The following NR3C1 variants were observed in gnomAD, a reference collection of about 807,000 sequenced individuals.
NR3C1 encodes glucocorticoid receptor.
In NR3C1, 14 loss-of-function variants were observed where a neutral mutation model predicts 74.0. The ratio of observed to expected loss-of-function variants is 0.19; its 90% CI spans 0.12 to 0.30. The LOEUF (loss-of-function observed/expected upper bound fraction) is 0.30. Ranked by LOEUF, NR3C1 falls within the 10% of genes least tolerant of loss-of-function variation. NR3C1 has a pLI of 1.00. For missense variants in NR3C1, 695 were observed against 909.8 expected, an observed-to-expected ratio of 0.76 and a Z score of 3.04; for synonymous variants, 308 against 332.5, an observed-to-expected ratio of 0.93 and a Z score of 0.80.
chr5:143,349,208 A>C (rs1829821785), intron 2 of NR3C1, among the ~76,000 whole-genome samples: 1 of 152,190 alleles, frequency 6.6e-6, no homozygotes, highest in African/African-American at 2.4e-5. Flanking sequence ...GGTTTCCCCA[A>C]GGATATCATT....
chr5:143,356,715 T>C (rs1227719935), intron 2 of NR3C1, among the ~76,000 whole-genome samples: 8 of 151,988 alleles, frequency 5.3e-5, no homozygotes, highest in Non-Finnish European at 8.8e-5. Context: ...GCAAATGTTG[T>C]CACATTATTA....
intron 2 of NR3C1, among the ~76,000 whole-genome samples, chr5:143,344,005 A>C (rs1351215134): frequency 2.6e-5 from 4 of 152,152 alleles, no homozygotes; most frequent in African/African-American, 9.6e-5. Flanking sequence ...TAAATCAGTC[A>C]CTGTCAGCTA....
intron 1 of NR3C1, among the ~76,000 whole-genome samples, chr5:143,411,667 A>AT (rs1841298100): frequency 6.6e-6 from 1 of 152,214 alleles, no homozygotes; most frequent in South Asian, 2.1e-4. Flanking sequence ...AGAATTTACT[A>AT]TTAAGAGTGT....
chr5:143,323,807 A>G (rs888910584), intron 2 of NR3C1, among the ~76,000 whole-genome samples: 5 of 152,064 alleles, frequency 3.3e-5, no homozygotes, highest in Admixed American at 1.3e-4. Flanking sequence ...GGGGTGTCAC[A>G]GGTTAAATAC....
At chr5:143,370,814 T>C (rs1265527083) in intron 2 of NR3C1, among the ~76,000 whole-genome samples, 1 of 152,190 alleles carries the variant, frequency 6.6e-6, no homozygotes, top group East Asian at 1.9e-4. Context: ...AAAAGAAAGT[T>C]TAAAGGAAGA....
At chr5:143,415,507 C>G (rs1196927005) in intron 1 of NR3C1, among the ~76,000 whole-genome samples, 1 of 152,144 alleles carries the variant, frequency 6.6e-6, no homozygotes, top group East Asian at 1.9e-4. Context: ...TACATGGATG[C>G]ATGCATGCAT....
In NR3C1 at chr5:143,310,206, G is replaced by C; in HGVS notation, c.1359C>G (p.His453Gln). The change falls in exon 4 of 9, where the codon CAC becomes CAG. Residue 453 changes from histidine to glutamine, a missense_variant. Physicochemically the swap from His to Gln is conservative, Grantham distance 24. This residue lies in a region of NR3C1 where 23 missense variants were observed against 83.1 expected (regional missense o/e 0.28). Coordinates refer to ENST00000394464, the MANE Select transcript of NR3C1 (RefSeq NM_000176.3). ...CATTCCTTCCAGCACATAGGTAATTGTGCTGTCCTATATGGAATAAAAGGC... is the reference window on the plus strand; with the variant it reads ...CATTCCTTCCAGCACATAGGTAATTCTGCTGTCCTATATGGAATAAAAGGC... ...VFFKRAVEGQ[H>Q]NYLCAGRNDC... 9 of 1,610,908 alleles carry C rather than the reference G, an allele frequency of 5.6e-6. No homozygotes were observed. Among genetic ancestry groups the C allele is most frequent in the Non-Finnish European group, 6.8e-6 (8 of 1,177,728 alleles).
At chr5:143,287,183 TAATC>T (rs1230843610) in intron 7 of NR3C1, among the ~76,000 whole-genome samples, 3 of 151,804 alleles carry the variant, frequency 2.0e-5, no homozygotes, top group South Asian at 2.1e-4. Flanking sequence ...GAAGAAATAA[TAATC>T]AATGACATAG....
chr5:143,282,770 T>C (rs1382630730), intron 7 of NR3C1, 45 bp from the exon 8 acceptor site: 2 of 1,583,826 alleles, frequency 1.3e-6, no homozygotes, highest in East Asian at 4.5e-5. Context: ...TCTTTTTCTT[T>C]TCTTTTCTTT....
At chr5:143,434,821 G>A (rs1752036243) in exon 1 of NR3C1, 2 of 985,436 alleles carry the variant, frequency 2.0e-6, no homozygotes, top group South Asian at 4.7e-5. Context: ...ACTTAGATAT[G>A]ACGCAGATTC....
intron 2 of NR3C1, among the ~76,000 whole-genome samples, chr5:143,341,428 A>G (rs1312370896): frequency 6.6e-6 from 1 of 152,250 alleles, no homozygotes; most frequent in Non-Finnish European, 1.5e-5. Context: ...GCTGAAAACA[A>G]AAGTCAGTCA....
chr5:143,359,582 T>C (rs796661357), intron 2 of NR3C1, among the ~76,000 whole-genome samples: 27 of 152,314 alleles, frequency 1.8e-4, no homozygotes, highest in African/African-American at 5.8e-4. Flanking sequence ...CTAATAAATG[T>C]ACTAAAATAC....
At chr5:143,314,421 C>CTT (rs200172704) in intron 2 of NR3C1, among the ~76,000 whole-genome samples, 33 of 118,796 alleles carry the variant, frequency 2.8e-4, no homozygotes, top group Middle Eastern at 4.5e-3. Context: ...ACTTCTTCTT[C>CTT]TTTTTTTTTT....
rs962559923 is a variant in NR3C1 at position 143,403,288 on chromosome 5, G to A, written c.-91C>T. The A allele has an allele frequency of 5.1e-6, 5 of 985,374 alleles. No homozygotes were observed. Among genetic ancestry groups the A allele is most frequent in the African/African-American group, 1.7e-5 (1 of 57,208 alleles). 61.0% of individuals were successfully genotyped at this position (985,374 alleles called of 1,614,324 possible). A position where few individuals can be genotyped will look rare whatever the true frequency, so the allele number is the denominator to read the frequency against. Reference sequence around the variant, plus strand: ...GAGATAAACAACTTAGCTTGTGAACGCAGAAGGAGCAGGAGGGAAATATAT... The same window carrying A: ...GAGATAAACAACTTAGCTTGTGAACACAGAAGGAGCAGGAGGGAAATATAT... On this transcript the variant is annotated 5_prime_UTR_variant, in exon 1 of 9. Transcript: ENST00000394464.
intron 2 of NR3C1, among the ~76,000 whole-genome samples, chr5:143,396,079 TTA>T (rs1476683572): frequency 6.6e-6 from 1 of 151,834 alleles, no homozygotes; most frequent in Non-Finnish European, 1.5e-5. Context: ...AACATATGAA[TTA>T]TGTTACCAAT....
intron 6 of NR3C1, among the ~76,000 whole-genome samples, chr5:143,296,103 G>C (rs1817114537): frequency 6.6e-6 from 1 of 152,114 alleles, no homozygotes; most frequent in Non-Finnish European, 1.5e-5. Flanking sequence ...GCCTCTGACA[G>C]GCATATGCCT....
chr5:143,380,963 G>C (rs1037635066), intron 2 of NR3C1, among the ~76,000 whole-genome samples: 1 of 152,084 alleles, frequency 6.6e-6, no homozygotes, highest in Non-Finnish European at 1.5e-5. Flanking sequence ...TCAGACAAGA[G>C]AAAGATATAA....
chr5:143,346,128 C>G (rs555075027), intron 2 of NR3C1, among the ~76,000 whole-genome samples: 24 of 152,340 alleles, frequency 1.6e-4, no homozygotes, highest in Admixed American at 4.6e-4. Context: ...ACTCCTAAAT[C>G]TAGGTTATCA....
rs1389147266 is a variant in NR3C1, at chr5:143,314,021, G to A, written c.1332C>T (p.Phe444=). The A allele has an allele frequency of 6.2e-7, 1 of 1,613,558 alleles. No individual in the cohort carries two copies. The highest frequency in any genetic ancestry group is 1.3e-5 in the African/African-American group (1 of 74,988). Residue 444 remains phenylalanine (F), a synonymous_variant, in exon 3 of 9, where the codon TTC becomes TTT. Coordinates refer to ENST00000394464, the MANE Select transcript of NR3C1 (RefSeq NM_000176.3). Reference sequence around the variant, plus strand: ...CACTACCTTCCACTGCTCTTTTGAAGAAAACTTTACAGCTTCCACAAGTTA... The same window carrying A: ...CACTACCTTCCACTGCTCTTTTGAAAAAAACTTTACAGCTTCCACAAGTTA... ...GVLTCGSCKV[F]FKRAVEGQHN... is the part of the protein sequence containing the mutation.
Sources: allele counts gnomAD v4.1 joint callset (sites outside exome capture counted in the v4.1 genomes callset), GRCh38; gene constraint gnomAD v4.1.1; regional missense constraint gnomAD v4.1.1; transcripts MANE v1.5; gene names NCBI Gene and HGNC (gene_info 2026-07-23, HGNC 2026-07-21).